The following ATP1A2 variants were observed in gnomAD, a reference collection of about 807,000 sequenced individuals.
ATP1A2 encodes the protein ATPase Na+/K+ transporting subunit alpha 2.
A neutral mutation model predicts 113.1 loss-of-function variants in ATP1A2; 56 were observed. The observed-to-expected ratio is 0.49, with a 90% CI of 0.40 to 0.62. The LOEUF (loss-of-function observed/expected upper bound fraction) is 0.62, where lower values mean the gene tolerates loss of function less well. Among genes scored for constraint, ATP1A2 ranks in the 20% least tolerant of loss-of-function variants. The pLI is 0.00. For missense variants in ATP1A2, 712 were observed against 1,357.8 expected, an observed-to-expected ratio of 0.52 and a Z score of 7.47; for synonymous variants, 490 against 526.8, an observed-to-expected ratio of 0.93 and a Z score of 0.96.
At chr1:160,129,587 C>G (rs4656881) in intron 11 of ATP1A2, among the ~76,000 whole-genome samples, 187 bp downstream of exon 11, 1,614 of 152,204 alleles carry the variant, frequency 0.011, 106 homozygotes, top group Admixed American at 0.099. Context: ...AGCTCCCAAA[C>G]CTTACTCCAT....
chr1:160,125,536 A>C, intron 7 of ATP1A2: 10 of 448,840 alleles, frequency 2.2e-5, no homozygotes, highest in South Asian at 4.5e-5. Flanking sequence ...TGGGTTAAGA[A>C]CCCCTTACGC....
rs528397631 is a variant in ATP1A2, at chr1:160,141,705, C to T, written c.*383C>T. The T allele has an allele frequency of 6.0e-5, 19 of 318,254 alleles. No homozygotes were observed. In the South Asian group the frequency reaches 6.0e-4, roughly 10 times the overall value. 19.7% of individuals were successfully genotyped at this position (318,254 alleles called of 1,614,324 possible). A position where few individuals can be genotyped will look rare whatever the true frequency, so the allele number is the denominator to read the frequency against. ...GGAACCCATCTAAACCAGAAGGAAG[C>T]CCTCTCAGATCACCCCAGCCTCACT... is the stretch of plus-strand genomic sequence containing the variant. On this transcript the variant is annotated 3_prime_UTR_variant, in exon 23 of 23. Coordinates refer to ENST00000361216, the MANE Select transcript of ATP1A2 (RefSeq NM_000702.4).
chr1:160,141,245 C>T (rs1386957748), intron 22 of ATP1A2, 49 bp from the exon 23 acceptor site: 1 of 1,612,034 alleles, frequency 6.2e-7, no homozygotes, highest in Non-Finnish European at 8.5e-7. Flanking sequence ...TGATCTCTTG[C>T]CTCCTTTTAA....
At chr1:160,117,921 G>T (rs1651241399) in intron 1 of ATP1A2, among the ~76,000 whole-genome samples, 1 of 151,818 alleles carries the variant, frequency 6.6e-6, no homozygotes, top group South Asian at 2.1e-4. Context: ...TCAAGACCCA[G>T]AGAGGGGGAC....
chr1:160,127,466 A>C (rs1349234692), intron 7 of ATP1A2, 86 bp from the exon 8 acceptor site: 1 of 1,596,068 alleles, frequency 6.3e-7, no homozygotes, highest in African/African-American at 1.3e-5. Context: ...CTATCCTGTG[A>C]TGATTTTCCT....
In ATP1A2 at chr1:160,141,382, TG is replaced by T; in HGVS notation, c.*62del. On this transcript the variant is annotated 3_prime_UTR_variant, in exon 23 of 23. Coordinates refer to ENST00000361216, the MANE Select transcript of ATP1A2 (RefSeq NM_000702.4). ...GGGAGCTCTGGAGGTGTTGTGGGGA[TG>T]GTGATGGAGAGGGATGGAAATAACG... 1 of 1,601,544 alleles carries T rather than the reference TG, an allele frequency of 6.2e-7. No individual in the cohort carries two copies. Among genetic ancestry groups the T allele is most frequent in the Non-Finnish European group, 8.6e-7 (1 of 1,168,712 alleles).
At position 160,139,721 on chromosome 1, in the gene ATP1A2, C is replaced by T; in HGVS notation, c.2922C>T (p.Ala974=). 6.2e-7 allele frequency: 1 copy of T among 1,614,204 alleles called. No individual in the cohort carries two copies. The highest frequency in any genetic ancestry group is 8.5e-7 in the Non-Finnish European group (1 of 1,180,030). Residue 974 remains alanine, a synonymous_variant, in exon 21 of 23, where the codon GCC becomes GCT. Coordinates refer to ENST00000361216, the MANE Select transcript of ATP1A2 (RefSeq NM_000702.4). ...FLSYCPGMGV[A]LRMYPLKVTW... The stretch of plus-strand genomic sequence containing the variant: ...CTTACTGCCCAGGCATGGGTGTAGC[C>T]CTCCGCATGTACCCGCTCAAGTGAG...
At position 160,136,207 on chromosome 1, in the gene ATP1A2, C is replaced by A. The variant is rs754792662; in HGVS notation, c.2440-40C>A. 3.7e-6 allele frequency: 6 copies of A among 1,613,902 alleles called. No homozygotes were observed. In the South Asian group the frequency reaches 5.5e-5, roughly 15 times the overall value. Reference sequence around the variant, plus strand: ...ATTGCTTCTGTCATCTCCTACGTCCCTTCAAATGCCCTCCCTGCCCCATTT... The same window carrying A: ...ATTGCTTCTGTCATCTCCTACGTCCATTCAAATGCCCTCCCTGCCCCATTT... On this transcript the variant is annotated intron_variant, in intron 17 of 22. Transcript: ENST00000361216.
Position 160,134,617 on chromosome 1 carries a change from C to G in ATP1A2, c.1961C>G (p.Pro654Arg). The change falls in exon 14 of 23, where the codon CCC becomes CGC. Residue 654 changes from proline to arginine, a missense_variant. Around this residue, in one of 6 missense-constraint regions of ATP1A2, gnomAD observed 263 missense variants for 380.6 expected, o/e 0.69. Transcript: ENST00000361216. Reference sequence around the variant, plus strand: ...AACATTCCCATGAGTCAAGTCAACCCCAGGTGAGGCCTCTGCAGGAAGCCC... The same window carrying G: ...AACATTCCCATGAGTCAAGTCAACCGCAGGTGAGGCCTCTGCAGGAAGCCC... ...RLNIPMSQVN[P>R]REAKACVVHG... 1 of 1,614,180 alleles carries G rather than the reference C, an allele frequency of 6.2e-7. No homozygotes were observed. Among genetic ancestry groups the G allele is most frequent in the Non-Finnish European group, 8.5e-7 (1 of 1,180,028 alleles).
rs752050966 is a variant in ATP1A2 at position 160,139,662 on chromosome 1, C to G, written c.2863C>G (p.Leu955Val). The change falls in exon 21 of 23, where the codon CTC (leucine) becomes GTC (valine). Residue 955 changes from leucine (L) to valine (V), a missense_variant. Around this residue, in one of 6 missense-constraint regions of ATP1A2, gnomAD observed 188 missense variants for 438.9 expected, o/e 0.43. Coordinates refer to ENST00000361216, the MANE Select transcript of ATP1A2 (RefSeq NM_000702.4). ...GMKNKILIFG[L>V]LEETALAAFL... Reference sequence around the variant, plus strand: ...CAGGAACAAGATCCTGATTTTTGGGCTCCTGGAGGAGACGGCGTTGGCTGC... The same window carrying G: ...CAGGAACAAGATCCTGATTTTTGGGGTCCTGGAGGAGACGGCGTTGGCTGC... 6.2e-7 allele frequency: 1 copy of G among 1,614,198 alleles called. No individual in the cohort carries two copies. The highest frequency in any genetic ancestry group is 8.5e-7 in the Non-Finnish European group (1 of 1,180,028).
At chr1:160,128,312 G>T (rs866999448) in intron 8 of ATP1A2, 1 of 539,812 alleles carries the variant, frequency 1.9e-6, no homozygotes. Flanking sequence ...GGCCTCAGCT[G>T]TCTGTTCTTC....
intron 9 of ATP1A2, 22 bp from the exon 10 acceptor site, chr1:160,128,958 G>A: frequency 6.3e-7 from 1 of 1,596,544 alleles, no homozygotes; most frequent in Non-Finnish European, 8.5e-7. Flanking sequence ...CACGCTCCTG[G>A]TTCCCCCTCA....
At chr1:160,141,184 C>T in intron 22 of ATP1A2, 110 bp from the exon 23 acceptor site, 3 of 1,350,272 alleles carry the variant, frequency 2.2e-6, no homozygotes, top group Non-Finnish European at 3.2e-6. Flanking sequence ...CAGTGCCCTT[C>T]ACCAGGCTTC....
Position 160,139,999 on chromosome 1 carries a change from A to C in ATP1A2, c.3034+15A>C. 1 of 1,611,608 alleles carries C rather than the reference A, an allele frequency of 6.2e-7. No individual in the cohort carries two copies. Among genetic ancestry groups the C allele is most frequent in the Non-Finnish European group, 8.5e-7 (1 of 1,179,182 alleles). On this transcript the variant is annotated intron_variant, in intron 22 of 22. Coordinates refer to ENST00000361216, the MANE Select transcript of ATP1A2 (RefSeq NM_000702.4). Reference sequence around the variant, plus strand: ...GTATCCTGGTGGTAAGCCCCTCCACATTCCCCCCAGCAAAGTGCAAGCCCC... The same window carrying C: ...GTATCCTGGTGGTAAGCCCCTCCACCTTCCCCCCAGCAAAGTGCAAGCCCC...
intron 6 of ATP1A2, 100 bp downstream of exon 6, chr1:160,124,530 T>C: frequency 6.5e-7 from 1 of 1,529,332 alleles, no homozygotes; most frequent in African/African-American, 1.4e-5. Context: ...GAGACCCAGG[T>C]CCAAATGTCA....
At position 160,136,375 on chromosome 1, in the gene ATP1A2, G is replaced by T. The variant is rs763626030; in HGVS notation, c.2563+5G>T. On this transcript the variant is annotated splice_donor_5th_base_variant and intron_variant, in intron 18 of 22. Coordinates refer to ENST00000361216, the MANE Select transcript of ATP1A2 (RefSeq NM_000702.4). ...GCATGGCCTACGGACAGATCGGTGC[G>T]CCAAGCCCCGGGCCTCGGGAGGGAA... The T allele has an allele frequency of 6.2e-7, 1 of 1,613,914 alleles. No homozygotes were observed. The highest frequency in any genetic ancestry group is 1.1e-5 in the South Asian group (1 of 91,058).
rs752668031 is a variant in ATP1A2, at chr1:160,130,137, C to G, written c.1497C>G (p.Ser499Arg). ...SIHEREDSPQ[S>R]HVLVMKGAPE... ...ACGAGCGAGAAGACAGCCCCCAGAGCCACGTGCTGGTGATGAAGGGGGCCC... is the reference window on the plus strand; with the variant it reads ...ACGAGCGAGAAGACAGCCCCCAGAGGCACGTGCTGGTGATGAAGGGGGCCC... The change falls in exon 12 of 23, where the codon AGC becomes AGG. Residue 499 changes from serine to arginine, a missense_variant. This residue lies in a region of ATP1A2 where 263 missense variants were observed against 380.6 expected (regional missense o/e 0.69). Transcript: ENST00000361216. 5.0e-6 allele frequency: 8 copies of G among 1,614,220 alleles called. No individual in the cohort carries two copies. The South Asian group carries it at 8.8e-5, about 18-fold the overall frequency.
chr1:160,134,468 C>G lies in ATP1A2; in HGVS notation c.1828-16C>G. The G allele has an allele frequency of 6.2e-7, 1 of 1,614,204 alleles. No homozygotes were observed. The highest frequency in any genetic ancestry group is 1.1e-5 in the South Asian group (1 of 91,082). ...CTTAATACTACTTTCCTGTTGTCTC[C>G]TCTCCTTCCCACTAGGTGATCATGG... On this transcript the variant is annotated splice_polypyrimidine_tract_variant and intron_variant, in intron 13 of 22. Transcript: ENST00000361216.
chr1:160,135,113 G>A lies in ATP1A2; in HGVS notation c.1965-32G>A, dbSNP rs780850325. The stretch of plus-strand genomic sequence containing the variant: ...GGAGGGGCTGGTACAGGTGCCAGGG[G>A]TCAGCTGTCTCTGTCCCCACCCACC... On this transcript the variant is annotated intron_variant, in intron 14 of 22. Coordinates refer to ENST00000361216, the MANE Select transcript of ATP1A2 (RefSeq NM_000702.4). This position sits in a 1 kb window ranked among gnomAD's most constrained non-coding sequence, Gnocchi z 6.3. 6.2e-7 allele frequency: 1 copy of A among 1,613,656 alleles called. No individual in the cohort carries two copies. The highest frequency in any genetic ancestry group is 1.1e-5 in the South Asian group (1 of 90,938).
Sources: gnomAD v4.1 joint callset for allele counts (sites outside exome capture counted in the v4.1 genomes callset) on GRCh38, gnomAD v4.1.1 for gene constraint, gnomAD v4.1.1 regional missense constraint, Gnocchi (gnomAD v3.1) non-coding constraint, MANE v1.5 for transcripts, NCBI Gene and HGNC (gene_info 2026-07-23, HGNC 2026-07-21) for gene names.